The following GRIP2 variants were observed in gnomAD, a reference collection of about 807,000 sequenced individuals.
GRIP2 encodes glutamate receptor interacting protein 2.
Under a neutral mutation model 108.3 loss-of-function variants are expected in GRIP2, and 58 were observed. That is an observed-to-expected ratio of 0.54 (90% CI 0.43 to 0.67). GRIP2 has a LOEUF of 0.67. Ranked by LOEUF, GRIP2 falls within the 30% of genes least tolerant of loss-of-function variation. The pLI is 0.00. For synonymous variants in GRIP2, 586 were observed against 598.2 expected, an observed-to-expected ratio of 0.98 and a Z score of 0.30; for missense variants, 1,278 against 1,430.6, an observed-to-expected ratio of 0.89 and a Z score of 1.72.
intron 21 of GRIP2, among the ~76,000 whole-genome samples, chr3:14,500,725 C>T (rs1260282603): frequency 6.6e-6 from 1 of 152,012 alleles, no homozygotes; most frequent in Non-Finnish European, 1.5e-5. Context: ...CAGTTTACCA[C>T]CTAAAGGCCC....
At chr3:14,579,555 A>G in the GRIP2 span, among the ~76,000 whole-genome samples, 1 of 152,008 alleles carries the variant, frequency 6.6e-6, no homozygotes, top group Non-Finnish European at 1.5e-5. Context: ...GGTAACTTCT[A>G]TGGCTGGTAC....
Position 14,522,278 on chromosome 3 carries a change from G to C in GRIP2, c.567-491C>G, listed in dbSNP as rs545587232. The C allele has an allele frequency of 6.5e-6, 1 of 153,958 alleles. No individual in the cohort carries two copies. Among genetic ancestry groups the C allele is most frequent in the African/African-American group, 2.4e-5 (1 of 41,480 alleles). 9.5% of individuals were successfully genotyped at this position (153,958 alleles called of 1,614,324 possible). A position where few individuals can be genotyped will look rare whatever the true frequency, so the allele number is the denominator to read the frequency against. On this transcript the variant is annotated intron_variant, in intron 6 of 23. Coordinates refer to ENST00000621039, the MANE Select transcript of GRIP2 (RefSeq NM_001080423.4). This position sits in a 1 kb window ranked among gnomAD's most constrained non-coding sequence, Gnocchi z 4.3. ...GGTGATTCTGGCCTGATGACAACCC[G>C]CGCCTGGGAAAGAACTCAACAGGGG...
intron 21 of GRIP2, among the ~76,000 whole-genome samples, chr3:14,500,066 T>TAAAAC (rs767518214): frequency 2.6e-5 from 4 of 151,964 alleles, no homozygotes; most frequent in African/African-American, 4.8e-5. Flanking sequence ...CTATGAAGAT[T>TAAAAC]AAAACAAAAC....
chr3:14,571,865 T>TA, the GRIP2 span, among the ~76,000 whole-genome samples: 1 of 152,152 alleles, frequency 6.6e-6, no homozygotes, highest in Non-Finnish European at 1.5e-5. Context: ...GATAGAAATA[T>TA]AAATTCATGG....
chr3:14,533,416 G>T (rs1370104152), intron 1 of GRIP2, among the ~76,000 whole-genome samples: 1 of 152,208 alleles, frequency 6.6e-6, no homozygotes, highest in African/African-American at 2.4e-5. Context: ...AGAGAAAAGT[G>T]GGGGAGGGAG....
upstream of GRIP2, among the ~76,000 whole-genome samples, chr3:14,557,973 G>A (rs188372909): frequency 1.1e-4 from 17 of 152,356 alleles, no homozygotes; most frequent in East Asian, 1.7e-3. Flanking sequence ...GTAGGTGCTA[G>A]ATAAATAATA....
chr3:14,522,096 C>A lies in GRIP2; in HGVS notation c.567-309G>T. ...CCCTGAAATGTCTGAGCTGGGGGTG[C>A]TCTTCAAGCGTCACCCCCAACTCCT... On this transcript the variant is annotated intron_variant, in intron 6 of 23. Coordinates refer to ENST00000621039, the MANE Select transcript of GRIP2 (RefSeq NM_001080423.4). The surrounding 1 kb of genome is among the most constrained non-coding windows in gnomAD (Gnocchi z 4.3). The A allele has an allele frequency of 3.0e-6, 1 of 329,808 alleles. No individual in the cohort carries two copies. The highest frequency in any genetic ancestry group is 5.5e-6 in the Non-Finnish European group (1 of 181,768). 20.4% of individuals were successfully genotyped at this position (329,808 alleles called of 1,614,324 possible).
chr3:14,503,761 G>A (rs1217329227), intron 20 of GRIP2, 90 bp from the exon 21 acceptor site: 4 of 486,660 alleles, frequency 8.2e-6, no homozygotes, highest in East Asian at 5.1e-5. Flanking sequence ...AGGGCCCAGC[G>A]TTGGGCTCGA....
chr3:14,538,096 A>G (rs1233730727), intron 1 of GRIP2, among the ~76,000 whole-genome samples: 4 of 151,880 alleles, frequency 2.6e-5, no homozygotes, highest in Non-Finnish European at 5.9e-5. Flanking sequence ...GAAGGGACCC[A>G]CCCAGAGTCC....
chr3:14,554,819 C>T (rs955939349), intron 1 of GRIP2, among the ~76,000 whole-genome samples: 2 of 152,176 alleles, frequency 1.3e-5, no homozygotes, highest in Admixed American at 1.3e-4. Flanking sequence ...CTCCTCTGCA[C>T]AATCAGAATG....
At chr3:14,572,707 A>C in the GRIP2 span, 1 of 473,858 alleles carries the variant, frequency 2.1e-6, no homozygotes, top group East Asian at 4.2e-5. Context: ...ACAGAAGTGA[A>C]CAAGGCACAA....
chr3:14,580,980 G>A, the GRIP2 span, among the ~76,000 whole-genome samples: 8 of 148,242 alleles, frequency 5.4e-5, no homozygotes, highest in African/African-American at 1.9e-4. Context: ...AGCCTGCCTG[G>A]GCTGCCCTGC....
chr3:14,496,510 A>C lies in GRIP2; in HGVS notation c.2730T>G (p.Pro910=). The change falls in exon 22 of 24, where the codon CCT becomes CCG. Residue 910 remains proline (P), a synonymous_variant. Coordinates refer to ENST00000621039, the MANE Select transcript of GRIP2 (RefSeq NM_001080423.4). ...GGCCCCTCTGCCAAGGCCGGTGGCC[A>C]GGCCTGCCCTCGAGGGCCACCCTCT... ...TVQRVALEGR[P]GHRPWQRGRE... is the part of the protein sequence containing the mutation. 6.2e-7 allele frequency: 1 copy of C among 1,612,836 alleles called. No homozygotes were observed. The highest frequency in any genetic ancestry group is 8.5e-7 in the Non-Finnish European group (1 of 1,179,544).
the GRIP2 span, among the ~76,000 whole-genome samples, chr3:14,596,667 G>A: frequency 1.3e-5 from 2 of 152,194 alleles, no homozygotes; most frequent in African/African-American, 4.8e-5. Flanking sequence ...AAACCCAGCA[G>A]TGCAAAGGGC....
chr3:14,540,328 G>A lies in GRIP2; in HGVS notation c.-20C>T, dbSNP rs778993776. 1.2e-5 allele frequency: 20 copies of A among 1,613,296 alleles called. No homozygotes were observed. The highest frequency in any genetic ancestry group is 1.3e-5 in the Non-Finnish European group (15 of 1,179,696). ...CAGCATGTTCGCTATTGTCTCCCCT[G>A]CTGCCCACCAACTCCCTCGGGAGCC... On this transcript the variant is annotated 5_prime_UTR_variant, in exon 1 of 24. Coordinates refer to ENST00000621039, the MANE Select transcript of GRIP2 (RefSeq NM_001080423.4). The surrounding 1 kb of genome is among the most constrained non-coding windows in gnomAD (Gnocchi z 4.1).
intron 1 of GRIP2, among the ~76,000 whole-genome samples, chr3:14,538,508 G>A (rs766914197): frequency 6.6e-6 from 1 of 152,224 alleles, no homozygotes; most frequent in Non-Finnish European, 1.5e-5. Flanking sequence ...AGCAAGCTAC[G>A]AAGAGACCCA....
chr3:14,535,007 G>A (rs1694801061), intron 1 of GRIP2, among the ~76,000 whole-genome samples: 1 of 152,110 alleles, frequency 6.6e-6, no homozygotes, highest in African/African-American at 2.4e-5. Flanking sequence ...CTGGAGGGAG[G>A]ACTCAGCATC....
At chr3:14,583,606 C>T in the GRIP2 span, among the ~76,000 whole-genome samples, 1 of 152,216 alleles carries the variant, frequency 6.6e-6, no homozygotes, top group South Asian at 2.1e-4. Flanking sequence ...ATTCTGAGCA[C>T]TGCTGGATGT....
At chr3:14,510,383 G>A (rs1694053901) in intron 16 of GRIP2, among the ~76,000 whole-genome samples, 1 of 149,308 alleles carries the variant, frequency 6.7e-6, no homozygotes, top group African/African-American at 2.5e-5. Context: ...TCCCACCTCA[G>A]CCTCCCAAGT....
Sources: allele counts gnomAD v4.1 joint callset (sites outside exome capture counted in the v4.1 genomes callset), GRCh38; gene constraint gnomAD v4.1.1; non-coding constraint Gnocchi (gnomAD v3.1); transcripts MANE v1.5; gene names NCBI Gene and HGNC (gene_info 2026-07-23, HGNC 2026-07-21).